SPAG9: variants seen among roughly 807,000 people sequenced by gnomAD.
The protein encoded by SPAG9 is sperm associated antigen 9, also known as C-Jun-amino-terminal kinase-interacting protein 4.
Under a neutral mutation model 166.5 loss-of-function variants are expected in SPAG9, and 35 were observed. The ratio of observed to expected loss-of-function variants is 0.21; its 90% CI spans 0.16 to 0.28. The LOEUF (loss-of-function observed/expected upper bound fraction) is 0.28. Ranked by LOEUF, SPAG9 falls within the 10% of genes least tolerant of loss-of-function variation. SPAG9 has a pLI of 1.00. For missense variants in SPAG9, 1,235 were observed against 1,603.3 expected (o/e 0.77, Z 3.92); for synonymous variants, 534 against 565.5 (o/e 0.94, Z 0.79).
At chr17:51,077,180 G>A (rs1207342054) in intron 2 of SPAG9, among the ~76,000 whole-genome samples, 1 of 151,766 alleles carries the variant, frequency 6.6e-6, no homozygotes, top group African/African-American at 2.4e-5. Flanking sequence ...GCCAAGTGTA[G>A]TGGTGTGATC....
chr17:51,053,173 C>T (rs1018709860), intron 3 of SPAG9, among the ~76,000 whole-genome samples: 3 of 150,558 alleles, frequency 2.0e-5, no homozygotes, highest in Admixed American at 1.3e-4. Flanking sequence ...TTATTTATCA[C>T]TATCAATTAC....
chr17:51,110,443 C>T (rs2049075134), intron 1 of SPAG9, among the ~76,000 whole-genome samples: 1 of 151,390 alleles, frequency 6.6e-6, no homozygotes, highest in Non-Finnish European at 1.5e-5. Context: ...GTAATCCCAG[C>T]ACTTTGGGAG....
chr17:51,031,620 T>C (rs977402275), intron 6 of SPAG9, 61 bp downstream of exon 6: 58 of 1,151,656 alleles, frequency 5.0e-5, no homozygotes, highest in Non-Finnish European at 7.2e-5. Flanking sequence ...GTTGAGGAAG[T>C]AATCAATAGT....
chr17:50,967,479 A>G (rs907229827), intron 29 of SPAG9, among the ~76,000 whole-genome samples: 7 of 152,216 alleles, frequency 4.6e-5, no homozygotes, highest in African/African-American at 1.4e-4. Flanking sequence ...TTTCACAGCA[A>G]TATCAAACTA....
intron 3 of SPAG9, among the ~76,000 whole-genome samples, chr17:51,053,853 AAGTATATATATATATATATATATATATAT>A (rs1429746937): frequency 5.3e-5 from 3 of 56,154 alleles, no homozygotes; most frequent in South Asian, 5.2e-4. Flanking sequence ...AAAAAAAAAA[AAGTATATATATATATATATATATATATAT>A]ATATATATAT....
At chr17:51,016,630 C>T (rs373678546) in intron 8 of SPAG9, among the ~76,000 whole-genome samples, 1 of 152,350 alleles carries the variant, frequency 6.6e-6, no homozygotes, top group East Asian at 1.9e-4. Context: ...ATGAAATGGG[C>T]CGTAGCAGTG....
intron 1 of SPAG9, among the ~76,000 whole-genome samples, chr17:51,119,200 C>T (rs2049396932): frequency 6.6e-6 from 1 of 152,004 alleles, no homozygotes; most frequent in African/African-American, 2.4e-5. Flanking sequence ...CAAAATAAAA[C>T]AAAAATTTAA....
At chr17:50,994,203 G>A (rs1975872211) in intron 18 of SPAG9, among the ~76,000 whole-genome samples, 1 of 152,056 alleles carries the variant, frequency 6.6e-6, no homozygotes, top group African/African-American at 2.4e-5. Flanking sequence ...TGCTATTCTC[G>A]TGATAGTGAA....
intron 3 of SPAG9, among the ~76,000 whole-genome samples, chr17:51,051,344 G>A (rs1453646387): frequency 6.6e-6 from 1 of 152,092 alleles, no homozygotes; most frequent in Non-Finnish European, 1.5e-5. Flanking sequence ...CCTGACCTCA[G>A]ATAATCCCCC....
intron 19 of SPAG9, among the ~76,000 whole-genome samples, chr17:50,993,269 TCA>T (rs1975767281): frequency 7.3e-6 from 1 of 136,852 alleles, no homozygotes; most frequent in Non-Finnish European, 1.5e-5. Context: ...TGAGCCGAGA[TCA>T]TGCCATTGCA....
chr17:51,105,364 T>C (rs570520216), intron 1 of SPAG9, among the ~76,000 whole-genome samples: 1 of 152,162 alleles, frequency 6.6e-6, no homozygotes, highest in African/African-American at 2.4e-5. Context: ...TGCTGAGACA[T>C]CAAGTATGAG....
intron 5 of SPAG9, among the ~76,000 whole-genome samples, chr17:51,037,361 A>G (rs1046609170): frequency 8.6e-5 from 13 of 151,962 alleles, no homozygotes; most frequent in Non-Finnish European, 1.6e-4. Context: ...CGGTGGCTCA[A>G]GCCTGTAGTC....
At chr17:51,017,921 G>C (rs554310304) in intron 8 of SPAG9, among the ~76,000 whole-genome samples, 13 of 152,204 alleles carry the variant, frequency 8.5e-5, no homozygotes, top group Admixed American at 2.6e-4. Context: ...ACAGAGTACT[G>C]ACTGCACAAT....
At chr17:51,116,999 G>C (rs1324908196) in intron 1 of SPAG9, among the ~76,000 whole-genome samples, 1 of 152,140 alleles carries the variant, frequency 6.6e-6, no homozygotes, top group Admixed American at 6.6e-5. Context: ...GCCCAAAGGA[G>C]AGAGTGATGG....
rs144828526 is a variant in SPAG9 at position 51,094,726 on chromosome 17, A to G, written c.304-15022T>C. Among the ~76,000 whole-genome samples, 479 of 152,348 alleles carry G rather than the reference A, an allele frequency of 3.1e-3. 2 individuals carry two copies. Among genetic ancestry groups the G allele is most frequent in the African/African-American group, 0.011 (465 of 41,586 alleles). ...ATATATGTTTTTACACTCAAGATCC[A>G]AACAAGGTTCATACATTACATTTGG... On this transcript the variant is annotated intron_variant, in intron 1 of 29. Coordinates refer to ENST00000262013, the MANE Select transcript of SPAG9 (RefSeq NM_001130528.3).
rs1023810785 is a variant in SPAG9, at chr17:50,991,923, CTTTTTTT to C, written c.2399-1262_2399-1256del. ...ACAGGTGTAAGCCACCATGCCAGGT[CTTTTTTT>C]TTTTTTTTTTTTTTTTTTTTTTAAA... On this transcript the variant is annotated intron_variant, in intron 19 of 29. Transcript: ENST00000262013. 4.7e-5 allele frequency among the ~76,000 whole-genome samples: 3 copies of C among 63,336 alleles called. 1 individual carries two copies. The highest frequency in any genetic ancestry group is 4.6e-4 in the Admixed American group (2 of 4,320). The allele number at this position is 63,336 out of a possible 152,430, so 41.6% of individuals were successfully genotyped here. A position where few individuals can be genotyped will look rare whatever the true frequency, so the allele number is the denominator to read the frequency against.
intron 1 of SPAG9, among the ~76,000 whole-genome samples, chr17:51,086,049 A>ACCTC (rs1278210831): frequency 6.9e-6 from 1 of 144,408 alleles, no homozygotes. Flanking sequence ...GCTCACTGCA[A>ACCTC]CCTCCACCTC....
chr17:51,035,106 T>C (rs1598049777), intron 5 of SPAG9, among the ~76,000 whole-genome samples: 2 of 152,306 alleles, frequency 1.3e-5, no homozygotes, highest in East Asian at 3.9e-4. Flanking sequence ...GGCCAGGAGT[T>C]TGAGACCAAC....
intron 24 of SPAG9, 30 bp from the exon 25 acceptor site, chr17:50,982,702 T>C: frequency 6.4e-7 from 1 of 1,564,826 alleles, no homozygotes; most frequent in South Asian, 1.2e-5. Flanking sequence ...TTATAGTAAA[T>C]ACATACCACC....
Sources: allele counts gnomAD v4.1 joint callset (sites outside exome capture counted in the v4.1 genomes callset), GRCh38; gene constraint gnomAD v4.1.1; transcripts MANE v1.5; gene names NCBI Gene and HGNC (gene_info 2026-07-23, HGNC 2026-07-21).